Variants in ABCB6 observed in about 807,000 individuals in gnomAD.
ABCB6 encodes the protein ATP-binding cassette sub-family B member 6.
Under a neutral mutation model 99.4 loss-of-function variants are expected in ABCB6, and 87 were observed. That is an observed-to-expected ratio of 0.88 (90% CI 0.74 to 1.05). ABCB6 has a LOEUF of 1.05. ABCB6 is among the 50% of genes least tolerant of loss of function. The pLI is 0.00. For synonymous variants in ABCB6, 482 were observed against 447.5 expected, an observed-to-expected ratio of 1.08 and a Z score of -0.97; for missense variants, 1,050 against 1,097.9, an observed-to-expected ratio of 0.96 and a Z score of 0.62.
chr2:219,212,447 C>G lies in ABCB6; in HGVS notation c.1908G>C (p.Leu636=), dbSNP rs772052388. Residue 636 remains leucine, a synonymous_variant, in exon 14 of 19, where the codon CTG becomes CTC. Transcript: ENST00000265316. The part of the protein sequence containing the change: ...GAGKSTILRL[L]FRFYDISSGC... ...CAGAGCTGATGTCGTAGAAGCGAAACAGCAGGCGCAAAATTGTGCTCTTCC... is the reference window on the plus strand; with the variant it reads ...CAGAGCTGATGTCGTAGAAGCGAAAGAGCAGGCGCAAAATTGTGCTCTTCC... The G allele has an allele frequency of 1.9e-6, 3 of 1,614,046 alleles. No individual in the cohort carries two copies. The highest frequency in any genetic ancestry group is 2.5e-6 in the Non-Finnish European group (3 of 1,180,030).
chr2:219,212,875 A>G, intron 13 of ABCB6, 133 bp downstream of exon 13: 3 of 1,036,770 alleles, frequency 2.9e-6, no homozygotes, highest in Non-Finnish European at 4.4e-6. Flanking sequence ...GTGTCCATGG[A>G]GGCTGCACCA....
chr2:219,218,373 C>G lies in ABCB6; in HGVS notation c.301G>C (p.Ala101Pro), dbSNP rs754021088. Residue 101 changes from alanine to proline, a missense_variant, in exon 1 of 19, where the codon GCC (alanine) becomes CCC (proline). Transcript: ENST00000265316. ...AGAAGTAGATAGCTTGGCAGTGGGG[C>G]CCCCCGGGCAGTGCCCACCCGGCCA... ...LAGRVGTARGAPLPSYLLLAS... is the reference protein window; with the variant it reads ...LAGRVGTARGPPLPSYLLLAS... 3 of 1,612,654 alleles carry G rather than the reference C, an allele frequency of 1.9e-6. No homozygotes were observed. The highest frequency in any genetic ancestry group is 1.7e-5 in the Admixed American group (1 of 60,004).
At chr2:219,214,889 G>C (rs1186757100) in intron 6 of ABCB6, 72 bp downstream of exon 6, 1 of 1,590,418 alleles carries the variant, frequency 6.3e-7, no homozygotes, top group East Asian at 2.2e-5. Context: ...GGTCACTTGA[G>C]TGGGGGCACA....
In ABCB6 at chr2:219,210,008, T is replaced by C; in HGVS notation, c.2459A>G (p.Asp820Gly). The change falls in exon 19 of 19, where the codon GAC becomes GGC. Residue 820 changes from aspartate to glycine, a missense_variant. Transcript: ENST00000265316. ...ALLSRGGVYA[D>G]MWQLQQGQEE... ...CTGTCCCTGCTGCAGCTGCCACATG[T>C]CAGCATACACCCCACCTCGGGACAA... 3 of 1,614,142 alleles carry C rather than the reference T, an allele frequency of 1.9e-6. No homozygotes were observed. Among genetic ancestry groups the C allele is most frequent in the Non-Finnish European group, 2.5e-6 (3 of 1,180,014 alleles).
rs746605817 is a variant in ABCB6 at position 219,213,224 on chromosome 2, CA to C, written c.1805+16del. ...CAAATGAACGGAAAAGCAAAGGAAG[CA>C]AAAGGAAGGCCTCACCCATCGGCAT... On this transcript the variant is annotated intron_variant, in intron 12 of 18. Transcript: ENST00000265316. 5 of 1,613,828 alleles carry C rather than the reference CA, an allele frequency of 3.1e-6. No homozygotes were observed. The African/African-American group carries it at 5.3e-5, about 17-fold the overall frequency.
Position 219,216,342 on chromosome 2 carries a change from G to A in ABCB6, c.970+22C>T, listed in dbSNP as rs761880400. 2.5e-6 allele frequency: 4 copies of A among 1,606,148 alleles called. No individual in the cohort carries two copies. The highest frequency in any genetic ancestry group is 1.7e-5 in the Admixed American group (1 of 59,990). The stretch of plus-strand genomic sequence containing the variant: ...GTGGGAGGGACCTATACCTAGCAGG[G>A]TGAGGGCGGAGTCTCTCATACCTGT... On this transcript the variant is annotated intron_variant, in intron 4 of 18. Coordinates refer to ENST00000265316, the MANE Select transcript of ABCB6 (RefSeq NM_005689.4). This position sits in a 1 kb window ranked among gnomAD's most constrained non-coding sequence, Gnocchi z 4.2.
chr2:219,210,274 G>A lies in ABCB6; in HGVS notation c.2376C>T (p.Asp792=), dbSNP rs1247200857. ...AHRLSTVVNA[D]QILVIKDGCI... Reference sequence around the variant, plus strand: ...AGCCATCCTTGATGACGAGGATCTGGTCAGCATTGACCACAGTTGAGAGCC... The same window carrying A: ...AGCCATCCTTGATGACGAGGATCTGATCAGCATTGACCACAGTTGAGAGCC... Residue 792 remains aspartate (D), a synonymous_variant, in exon 18 of 19, where the codon GAC becomes GAT. Transcript: ENST00000265316. The A allele has an allele frequency of 4.3e-6, 7 of 1,614,080 alleles. No homozygotes were observed. The highest frequency in any genetic ancestry group is 8.5e-7 in the Non-Finnish European group (1 of 1,180,048).
rs746936800 is a variant in ABCB6 at position 219,218,276 on chromosome 2, C to G, written c.398G>C (p.Arg133Pro). Residue 133 changes from arginine (R) to proline (P), a missense_variant, in exon 1 of 19, where the codon CGG (arginine) becomes CCG (proline). Arg to Pro is a moderately radical substitution (Grantham distance 103, BLOSUM62 -2). Transcript: ENST00000265316. ...CCAGATGCCCATTGCCAGACGCTGC[C>G]GTGCCTGGCTCCGCTCCACGACAAG... ...WLLVVERSQA[R>P]QRLAMGIWIK... 1.2e-6 allele frequency: 2 copies of G among 1,613,284 alleles called. No individual in the cohort carries two copies. Among genetic ancestry groups the G allele is most frequent in the East Asian group, 2.2e-5 (1 of 44,874 alleles).
In ABCB6 at chr2:219,213,566, G is replaced by A. The variant is rs199847238; in HGVS notation, c.1655+24C>T. The A allele has an allele frequency of 1.1e-4, 183 of 1,613,984 alleles. 1 individual carries two copies. Among genetic ancestry groups the A allele is most frequent in the Non-Finnish European group, 1.5e-4 (177 of 1,179,822 alleles). On this transcript the variant is annotated intron_variant, in intron 10 of 18. Coordinates refer to ENST00000265316, the MANE Select transcript of ABCB6 (RefSeq NM_005689.4). The stretch of plus-strand genomic sequence containing the variant: ...AGGAAATAATAATGTGCCCTGGACA[G>A]GTGAGGGCCAGGGCTCAGATTACCT...
At chr2:219,210,874 T>C (rs1574809355) in intron 15 of ABCB6, 51 bp from the exon 16 acceptor site, 2 of 1,612,680 alleles carry the variant, frequency 1.2e-6, no homozygotes, top group African/African-American at 1.3e-5. Flanking sequence ...GGAACAGGGG[T>C]CAGGGATTAG....
chr2:219,215,045 T>C lies in ABCB6; in HGVS notation c.1192A>G (p.Ile398Val). 1 of 1,614,142 alleles carries C rather than the reference T, an allele frequency of 6.2e-7. No individual in the cohort carries two copies. Among genetic ancestry groups the C allele is most frequent in the Non-Finnish European group, 8.5e-7 (1 of 1,180,022 alleles). The change falls in exon 6 of 19, where the codon ATC becomes GTC. Residue 398 changes from isoleucine (I) to valine (V), a missense_variant. Physicochemically the swap from Ile to Val is conservative, Grantham distance 29 (BLOSUM62 3). Coordinates refer to ENST00000265316, the MANE Select transcript of ABCB6 (RefSeq NM_005689.4). ...VFNVIPTLAD[I>V]IIGIIYFSMF... Reference sequence around the variant, plus strand: ...CTGAAGTAGATGATGCCAATGATGATGTCGGCCAGCGTGGGGATGACATTG... The same window carrying C: ...CTGAAGTAGATGATGCCAATGATGACGTCGGCCAGCGTGGGGATGACATTG...
rs1181535862 is a variant in ABCB6, at chr2:219,210,730, C to T, written c.2237G>A (p.Gly746Asp). The T allele has an allele frequency of 6.2e-7, 1 of 1,613,610 alleles. No individual in the cohort carries two copies. Among genetic ancestry groups the T allele is most frequent in the African/African-American group, 1.3e-5 (1 of 74,912 alleles). Residue 746 changes from glycine (G) to aspartate (D), a missense_variant, in exon 16 of 19, where the codon GGC (glycine) becomes GAC (aspartate). Gly to Asp is a moderately conservative substitution (Grantham distance 94). Coordinates refer to ENST00000265316, the MANE Select transcript of ABCB6 (RefSeq NM_005689.4). Reference protein sequence around the residue: ...AIARTILKAPGIILLDEATSA... With the variant: ...AIARTILKAPDIILLDEATSA... ...GCGCACCTCATCCAGCAGAATGATG[C>T]CCGGAGCCTTGAGGATGGTGCGGGC...
Position 219,218,623 on chromosome 2 carries a change from G to C in ABCB6, c.51C>G (p.Ala17=), listed in dbSNP as rs754834346. The C allele has an allele frequency of 2.1e-5, 34 of 1,606,998 alleles. No homozygotes were observed. The highest frequency in any genetic ancestry group is 2.5e-5 in the Non-Finnish European group (29 of 1,177,450). ...AGGGACTCAGGCCATCCTGCATCCA[G>C]GCCGGACCCACGGGCCCTTCGGCCT... ...YCEAEGPVGP[A]WMQDGLSPCF... is the part of the protein sequence containing the mutation. Residue 17 remains alanine, a synonymous_variant, in exon 1 of 19, where the codon GCC becomes GCG. Transcript: ENST00000265316.
intron 16 of ABCB6, 31 bp downstream of exon 16, chr2:219,210,680 C>T (rs1016651726): frequency 1.2e-6 from 2 of 1,612,758 alleles, no homozygotes; most frequent in Admixed American, 1.7e-5. Flanking sequence ...ATACACAAGG[C>T]AGGAAGGAGG....
In ABCB6 at chr2:219,209,862, G is replaced by T; in HGVS notation, c.*76C>A. 1.7e-6 allele frequency: 2 copies of T among 1,156,888 alleles called. No individual in the cohort carries two copies. Among genetic ancestry groups the T allele is most frequent in the Non-Finnish European group, 2.6e-6 (2 of 765,510 alleles). 71.7% of individuals were successfully genotyped at this position (1,156,888 alleles called of 1,614,324 possible). ...TAGCACCATACCCCAAGACCAGGAT[G>T]AAATAAGCCAGGGAAAGGAGACACA... On this transcript the variant is annotated 3_prime_UTR_variant, in exon 19 of 19. Transcript: ENST00000265316.
At position 219,213,907 on chromosome 2, in the gene ABCB6, C is replaced by A; in HGVS notation, c.1497G>T (p.Gln499His). ...KSSASLVLLN[Q>H]TQNLVIGLGL... ...CGAGCCCAATCACCAGGTTCTGGGT[C>A]TGATTTAGTAAAACCAGTGAAGCGC... The change falls in exon 9 of 19, where the codon CAG (glutamine) becomes CAT (histidine). Residue 499 changes from glutamine (Q) to histidine (H), a missense_variant. Coordinates refer to ENST00000265316, the MANE Select transcript of ABCB6 (RefSeq NM_005689.4). 6.2e-7 allele frequency: 1 copy of A among 1,614,132 alleles called. No homozygotes were observed. The highest frequency in any genetic ancestry group is 1.3e-5 in the African/African-American group (1 of 75,072).
At chr2:219,211,456 C>T (rs1950578013) in intron 14 of ABCB6, among the ~76,000 whole-genome samples, 1 of 151,972 alleles carries the variant, frequency 6.6e-6, no homozygotes, top group Non-Finnish European at 1.5e-5. Context: ...GTGCTTGAGA[C>T]TACGTCAAGC....
Position 219,218,373 on chromosome 2 carries a change from C to A in ABCB6, c.301G>T (p.Ala101Ser), listed in dbSNP as rs754021088. The A allele has an allele frequency of 2.5e-6, 4 of 1,612,654 alleles. No homozygotes were observed. The Admixed American group carries it at 5.0e-5, about 20-fold the overall frequency. Residue 101 changes from alanine (A) to serine (S), a missense_variant, in exon 1 of 19, where the codon GCC becomes TCC. Coordinates refer to ENST00000265316, the MANE Select transcript of ABCB6 (RefSeq NM_005689.4). ...AGAAGTAGATAGCTTGGCAGTGGGG[C>A]CCCCCGGGCAGTGCCCACCCGGCCA... ...LAGRVGTARG[A>S]PLPSYLLLAS...
chr2:219,212,299 G>A (rs1362131996), intron 14 of ABCB6, 88 bp downstream of exon 14: 2 of 1,135,630 alleles, frequency 1.8e-6, no homozygotes. Context: ...TTTTGCAAGG[G>A]TGACATCTCC....
Sources: allele counts gnomAD v4.1 joint callset (sites outside exome capture counted in the v4.1 genomes callset), GRCh38; gene constraint gnomAD v4.1.1; non-coding constraint Gnocchi (gnomAD v3.1); transcripts MANE v1.5; gene names NCBI Gene and HGNC (gene_info 2026-07-23, HGNC 2026-07-21).